Variants in CLIP2 observed in about 807,000 individuals in gnomAD.
CLIP2 encodes CAP-Gly domain-containing linker protein 2.
A neutral mutation model predicts 111.7 loss-of-function variants in CLIP2; 41 were observed. The ratio of observed to expected loss-of-function variants is 0.37; its 90% CI spans 0.29 to 0.48. The LOEUF (loss-of-function observed/expected upper bound fraction) is 0.48, where lower values mean the gene tolerates loss of function less well. Among genes scored for constraint, CLIP2 ranks in the 20% least tolerant of loss-of-function variants. The pLI is 0.99. For missense variants in CLIP2, 1,160 were observed against 1,422.1 expected (o/e 0.82, Z 2.96); for synonymous variants, 660 against 644.2 (o/e 1.02, Z -0.37).
intron 3 of CLIP2, among the ~76,000 whole-genome samples, chr7:74,349,322 T>TA (rs1789902918): frequency 6.7e-6 from 1 of 148,454 alleles, no homozygotes; most frequent in Non-Finnish European, 1.5e-5. Context: ...TCCCAGCTAC[T>TA]AGGGAGGCTG....
chr7:74,300,416 A>G (rs574930328), intron 1 of CLIP2, among the ~76,000 whole-genome samples: 1 of 151,288 alleles, frequency 6.6e-6, no homozygotes, highest in East Asian at 1.9e-4. Flanking sequence ...TCTAGGGATA[A>G]TGGCTCCCAT....
chr7:74,298,356 GTTT>G (rs35535113), intron 1 of CLIP2, among the ~76,000 whole-genome samples: 6 of 109,608 alleles, frequency 5.5e-5, no homozygotes, highest in Non-Finnish European at 7.5e-5. Context: ...CTGCTAATTG[GTTT>G]TTTTTTTTTT....
intron 14 of CLIP2, 58 bp from the exon 15 acceptor site, chr7:74,400,312 C>T (rs1475117958): frequency 1.2e-5 from 17 of 1,421,232 alleles, no homozygotes; most frequent in South Asian, 4.1e-5. Context: ...AGAGTTGAGA[C>T]GCCCACCAAC....
intron 16 of CLIP2, 121 bp from the exon 17 acceptor site, chr7:74,403,716 A>C: frequency 1.0e-6 from 1 of 959,122 alleles, no homozygotes; most frequent in Non-Finnish European, 1.7e-6. Flanking sequence ...TGGCACATGC[A>C]GTTCGCTCTA....
At chr7:74,387,678 A>G (rs568754778) in intron 12 of CLIP2, among the ~76,000 whole-genome samples, 25 of 152,212 alleles carry the variant, frequency 1.6e-4, no homozygotes, top group Non-Finnish European at 3.5e-4. Flanking sequence ...GCCCCAAAAA[A>G]GGTCAGTGGA....
At chr7:74,353,738 G>A in intron 3 of CLIP2, 142 bp from the exon 4 acceptor site, 3 of 1,093,528 alleles carry the variant, frequency 2.7e-6, no homozygotes, top group Non-Finnish European at 4.1e-6. Flanking sequence ...TCATCCTTAG[G>A]TGTCTCTCCC....
rs1211228693 is a variant in CLIP2 at position 74,353,911 on chromosome 7, A to T, written c.710A>T (p.Tyr237Phe). Residue 237 changes from tyrosine (Y) to phenylalanine (F), a missense_variant, in exon 4 of 17, where the codon TAC (tyrosine) becomes TTC (phenylalanine). By Grantham distance (22) the Tyr-to-Phe change is conservative. Around this residue, in one of 5 missense-constraint regions of CLIP2, gnomAD observed 110 missense variants for 185.2 expected, o/e 0.59. Transcript: ENST00000223398. ...VGGTKTGVVR[Y>F]VGETDFAKGE... ...GGGACGAAGACTGGCGTGGTGCGGT[A>T]CGTGGGGGAGACAGACTTTGCCAAG... 1 of 1,614,094 alleles carries T rather than the reference A, an allele frequency of 6.2e-7. No individual in the cohort carries two copies. Among genetic ancestry groups the T allele is most frequent in the African/African-American group, 1.3e-5 (1 of 74,934 alleles).
chr7:74,389,403 C>T (rs1791212109), intron 13 of CLIP2, 144 bp downstream of exon 13: 1 of 737,354 alleles, frequency 1.4e-6, no homozygotes, highest in South Asian at 2.0e-5. Flanking sequence ...TCACCCTGCT[C>T]TCCTCTAAGC....
Position 74,357,294 on chromosome 7 carries a change from T to G in CLIP2, c.1032T>G (p.Ser344=). ...PSRSGLLTET[S]SRYARKISGT... ...CCTTCCTGCAGCTCACGGAGACCTC[T>G]TCACGCTACGCCCGCAAGATCTCGG... The change falls in exon 6 of 17, where the codon TCT becomes TCG. Residue 344 remains serine (S), a synonymous_variant. Transcript: ENST00000223398. 1.9e-6 allele frequency: 3 copies of G among 1,613,970 alleles called. No individual in the cohort carries two copies. Among genetic ancestry groups the G allele is most frequent in the Non-Finnish European group, 2.5e-6 (3 of 1,179,874 alleles).
At chr7:74,307,517 G>T (rs895378810) in intron 1 of CLIP2, among the ~76,000 whole-genome samples, 1 of 152,152 alleles carries the variant, frequency 6.6e-6, no homozygotes, top group Non-Finnish European at 1.5e-5. Flanking sequence ...TTTTGTTTGA[G>T]TGTCGATCTG....
intron 3 of CLIP2, among the ~76,000 whole-genome samples, chr7:74,342,314 TGC>T (rs1789678798): frequency 6.6e-6 from 1 of 150,754 alleles, no homozygotes; most frequent in Admixed American, 6.6e-5. Context: ...AGGCGGAGAT[TGC>T]AGAGAGCCGA....
chr7:74,397,408 A>G (rs1453231218), intron 14 of CLIP2, among the ~76,000 whole-genome samples, 175 bp downstream of exon 14: 1 of 152,130 alleles, frequency 6.6e-6, no homozygotes, highest in African/African-American at 2.4e-5. Flanking sequence ...GACCCTGGCT[A>G]GCCGCTTTTG....
At chr7:74,317,765 A>G (rs1355010858) in intron 2 of CLIP2, 98 bp downstream of exon 2, 14 of 1,288,384 alleles carry the variant, frequency 1.1e-5, no homozygotes, top group South Asian at 2.5e-5. Flanking sequence ...TCTGTGACCA[A>G]TCTGATGGGG....
At chr7:74,363,847 G>A (rs1285780239) in intron 7 of CLIP2, among the ~76,000 whole-genome samples, 9 of 139,274 alleles carry the variant, frequency 6.5e-5, no homozygotes, top group Non-Finnish European at 9.1e-5. Context: ...AGTGAGCCGA[G>A]ATCACACCAA....
At chr7:74,323,145 C>G (rs2428448) in intron 2 of CLIP2, among the ~76,000 whole-genome samples, 92,990 of 151,096 alleles carry the variant, frequency 0.62, 30,641 homozygotes, top group Middle Eastern at 0.74. Context: ...GGGTCTCGTT[C>G]TGTTGCCCAG....
intron 8 of CLIP2, among the ~76,000 whole-genome samples, chr7:74,365,496 C>T (rs981918764): frequency 1.3e-5 from 2 of 152,212 alleles, no homozygotes; most frequent in Non-Finnish European, 2.9e-5. Context: ...CCACTACCTA[C>T]CAGCTGTCAT....
rs1787944312 is a variant in CLIP2 at position 74,289,452 on chromosome 7, G to GCTGGCTCCC, written c.-342_-341insCCTGGCTCC. 1.3e-5 allele frequency: 2 copies of GCTGGCTCCC among 149,518 alleles called. No homozygotes were observed. Among genetic ancestry groups the GCTGGCTCCC allele is most frequent in the Non-Finnish European group, 3.0e-5 (2 of 67,262 alleles). The allele number at this position is 149,518 out of a possible 1,614,324, so 9.3% of individuals were successfully genotyped here. Reference sequence around the variant, plus strand: ...CCGGGCCGCTGGCTCCGCTGGCTCCGCTGGCTCCGCGGGCGCTCAGCTCGG... The same window carrying GCTGGCTCCC: ...CCGGGCCGCTGGCTCCGCTGGCTCCGCTGGCTCCCCTGGCTCCGCGGGCGCTCAGCTCGG... On this transcript the variant is annotated 5_prime_UTR_variant, in exon 1 of 17. Coordinates refer to ENST00000223398, the MANE Select transcript of CLIP2 (RefSeq NM_003388.5).
chr7:74,341,682 C>T (rs782164262), intron 3 of CLIP2, among the ~76,000 whole-genome samples: 1 of 151,296 alleles, frequency 6.6e-6, no homozygotes, highest in Non-Finnish European at 1.5e-5. Flanking sequence ...CAGCCTCAAA[C>T]TTGGACTCAA....
At chr7:74,341,644 A>AGT in intron 3 of CLIP2, among the ~76,000 whole-genome samples, 1 of 150,268 alleles carries the variant, frequency 6.7e-6, no homozygotes, top group South Asian at 2.1e-4. Flanking sequence ...CCCAGGATGA[A>AGT]GTGCAGTGGT....
Sources: gnomAD v4.1 joint callset for allele counts (sites outside exome capture counted in the v4.1 genomes callset) on GRCh38, gnomAD v4.1.1 for gene constraint, gnomAD v4.1.1 regional missense constraint, MANE v1.5 for transcripts, NCBI Gene and HGNC (gene_info 2026-07-23, HGNC 2026-07-21) for gene names.